Variants in GAGE1 observed in about 807,000 individuals in gnomAD.
GAGE1 encodes the protein G antigen 1.
A neutral mutation model predicts 5.0 loss-of-function variants in GAGE1; 5 were observed. The ratio of observed to expected loss-of-function variants is 1.00; its 90% CI spans 0.52 to 2.11. The LOEUF is 2.11. Among genes scored for constraint, GAGE1 ranks in the 30% most tolerant of loss-of-function variants. The probability of loss-of-function intolerance (pLI) is 0.01; values close to 1 mark genes in which losing one functional copy is unlikely to be tolerated. For synonymous variants in GAGE1, 6 were observed against 14.8 expected (o/e 0.40, Z 1.37); for missense variants, 9 against 38.9 (o/e 0.23, Z 2.04).
intron 4 of GAGE1, among the ~76,000 whole-genome samples, chrX:49,604,761 G>A (rs1335244111): frequency 8.9e-6 from 1 of 111,983 alleles, no homozygotes; most frequent in Non-Finnish European, 1.9e-5. Context: ...GTGGAGAGCT[G>A]AATACGTAGT....
At chrX:49,605,492 C>T (rs782529370) in intron 4 of GAGE1, among the ~76,000 whole-genome samples, 1 of 112,284 alleles carries the variant, frequency 8.9e-6, no homozygotes, top group Non-Finnish European at 1.9e-5. Context: ...TGGAGGGCTA[C>T]TCTCAAAGTG....
chrX:49,604,938 G>C (rs2066644131), intron 4 of GAGE1: 4 of 493,303 alleles, frequency 8.1e-6, no homozygotes, highest in African/African-American at 2.4e-5. Flanking sequence ...CTCCTGAGTG[G>C]CTGGAACTAC....
chrX:49,605,296 A>G (rs1377374413), intron 4 of GAGE1, among the ~76,000 whole-genome samples: 1 of 112,032 alleles, frequency 8.9e-6, no homozygotes, highest in Non-Finnish European at 1.9e-5. Flanking sequence ...TTACATGTAA[A>G]TTTCAGCTTT....
intron 3 of GAGE1, among the ~76,000 whole-genome samples, chrX:49,602,423 A>T (rs2066615869): frequency 1.3e-5 from 1 of 77,275 alleles, no homozygotes; most frequent in African/African-American, 3.5e-5. Context: ...TCTTCAAGTC[A>T]TAGCATTCAT....
rs5906843 is a variant in GAGE1, at chrX:49,606,175, C to A, written c.*160C>A. 153,475 of 297,463 alleles carry A rather than the reference C, an allele frequency of 0.52. 30,815 individuals are homozygous for A. The highest frequency in any genetic ancestry group is 0.62 in the Middle Eastern group (519 of 841). The allele number at this position is 297,463 out of a possible 1,213,427, so 24.5% of individuals were successfully genotyped here. A position where few individuals can be genotyped will look rare whatever the true frequency, so the allele number is the denominator to read the frequency against. ...ATGCTGTGAAATGTTTCATTCTTTG[C>A]AATTTTGTATTCTATCTCCTTGAGC... On this transcript the variant is annotated 3_prime_UTR_variant, in exon 5 of 5. Coordinates refer to ENST00000381700, the MANE Select transcript of GAGE1 (RefSeq NM_001040663.4).
At chrX:49,604,999 G>T (rs1211454908) in intron 4 of GAGE1, 2 of 969,046 alleles carry the variant, frequency 2.1e-6, no homozygotes, top group Non-Finnish European at 2.7e-6. Context: ...TTTTTGTAGA[G>T]ATGAGGTCTC....
chrX:49,604,776 G>A (rs1327495823), intron 4 of GAGE1, among the ~76,000 whole-genome samples: 1 of 111,918 alleles, frequency 8.9e-6, no homozygotes, highest in African/African-American at 3.2e-5. Context: ...CGTAGTGTAA[G>A]ATCTTGTGAA....
intron 4 of GAGE1, among the ~76,000 whole-genome samples, chrX:49,604,443 G>C (rs1361465546): frequency 8.9e-6 from 1 of 112,459 alleles, no homozygotes; most frequent in African/African-American, 3.2e-5. Context: ...CACTCATGCG[G>C]GTTCTAATAT....
chrX:49,605,919 A>ATAG (rs2066655907), intron 4 of GAGE1, 74 bp from the exon 5 acceptor site: 3 of 463,594 alleles, frequency 6.5e-6, no homozygotes, highest in Non-Finnish European at 6.1e-6. Flanking sequence ...AATAATAATA[A>ATAG]TAATAATAAT....
chrX:49,604,717 G>T (rs1263066932), intron 4 of GAGE1, among the ~76,000 whole-genome samples: 1 of 112,328 alleles, frequency 8.9e-6, no homozygotes, highest in Non-Finnish European at 1.9e-5. Context: ...GTAAGAAAGT[G>T]AGGGGGCACT....
chrX:49,604,031 T>G (rs1222466535), intron 4 of GAGE1, among the ~76,000 whole-genome samples: 1 of 112,690 alleles, frequency 8.9e-6, no homozygotes, highest in African/African-American at 3.2e-5. Context: ...TGTTGTATTT[T>G]TAGTAGAGAC....
chrX:49,604,167 T>C (rs1200875223), intron 4 of GAGE1, among the ~76,000 whole-genome samples: 5 of 112,752 alleles, frequency 4.4e-5, no homozygotes, highest in Non-Finnish European at 7.5e-5. Flanking sequence ...ATTATATTTT[T>C]AGTAAGAGAG....
rs1371656591 is a variant in GAGE1, at chrX:49,608,223, G to C, written c.*2208G>C. ...TGGTGTCTCTAGGGCCTCCTACCCCGCATTTCCCCTGCTTTTTCTCTTGTT... is the reference window on the plus strand; with the variant it reads ...TGGTGTCTCTAGGGCCTCCTACCCCCCATTTCCCCTGCTTTTTCTCTTGTT... On this transcript the variant is annotated 3_prime_UTR_variant, in exon 5 of 5. Transcript: ENST00000381700. 1 of 111,485 alleles carries C rather than the reference G, an allele frequency of 9.0e-6. No homozygotes were observed. Among genetic ancestry groups the C allele is most frequent in the Non-Finnish European group, 1.9e-5 (1 of 53,142 alleles). The allele number at this position is 111,485 out of a possible 1,213,427, so 9.2% of individuals were successfully genotyped here.
chrX:49,607,348 T>C lies in GAGE1; in HGVS notation c.*1333T>C, dbSNP rs2066664874. ...TATTTAAGGATTTTTATGTATATCC[T>C]CATGAGTGACATTACCTGTACTTTT... On this transcript the variant is annotated 3_prime_UTR_variant, in exon 5 of 5. Transcript: ENST00000381700. The C allele has an allele frequency of 8.9e-6, 1 of 112,154 alleles. No individual in the cohort carries two copies. The highest frequency in any genetic ancestry group is 3.2e-5 in the African/African-American group (1 of 30,907). 9.2% of individuals were successfully genotyped at this position (112,154 alleles called of 1,213,427 possible).
rs1433595554 is a variant in GAGE1, at chrX:49,607,450, C to G, written c.*1435C>G. 9.0e-6 allele frequency: 1 copy of G among 111,497 alleles called. No homozygotes were observed. Among genetic ancestry groups the G allele is most frequent in the African/African-American group, 3.3e-5 (1 of 30,680 alleles). The allele number at this position is 111,497 out of a possible 1,213,427, so 9.2% of individuals were successfully genotyped here. A position where few individuals can be genotyped will look rare whatever the true frequency, so the allele number is the denominator to read the frequency against. On this transcript the variant is annotated 3_prime_UTR_variant, in exon 5 of 5. Transcript: ENST00000381700. ...TAAAACGGGTTGGTATGTAAAACCTCTTTTTCCATTCACTGGAACTCAAGT... is the reference window on the plus strand; with the variant it reads ...TAAAACGGGTTGGTATGTAAAACCTGTTTTTCCATTCACTGGAACTCAAGT...
intron 4 of GAGE1, among the ~76,000 whole-genome samples, chrX:49,604,538 A>T (rs556862661): frequency 8.9e-6 from 1 of 112,204 alleles, no homozygotes. Flanking sequence ...AGTGAGTTTA[A>T]GTCAGAGATT....
rs2066669661 is a variant in GAGE1, at chrX:49,608,274, C to CGG, written c.*2259_*2260insGG. 1 of 111,637 alleles carries CGG rather than the reference C, an allele frequency of 9.0e-6. No individual in the cohort carries two copies. Among genetic ancestry groups the CGG allele is most frequent in the African/African-American group, 3.3e-5 (1 of 30,724 alleles). 9.2% of individuals were successfully genotyped at this position (111,637 alleles called of 1,213,427 possible). On this transcript the variant is annotated 3_prime_UTR_variant, in exon 5 of 5. Coordinates refer to ENST00000381700, the MANE Select transcript of GAGE1 (RefSeq NM_001040663.4). ...CTGACTGAAAAACAAAGTGCTTTGACTGTGCTGTGACCCAGCCAGCTGCAT... is the reference window on the plus strand; with the variant it reads ...CTGACTGAAAAACAAAGTGCTTTGACGGTGTGCTGTGACCCAGCCAGCTGCAT...
Position 49,606,925 on chromosome X carries a change from TC to T in GAGE1, c.*915del, listed in dbSNP as rs1163857847. 1 of 112,125 alleles carries T rather than the reference TC, an allele frequency of 8.9e-6. No homozygotes were observed. The highest frequency in any genetic ancestry group is 1.9e-5 in the Non-Finnish European group (1 of 53,266). 9.2% of individuals were successfully genotyped at this position (112,125 alleles called of 1,213,427 possible). The stretch of plus-strand genomic sequence containing the variant: ...CTATTGTGATTACCACAGGGTTTTT[TC>T]CCCCAGTAATCTGTTTATGTAGTCA... On this transcript the variant is annotated 3_prime_UTR_variant, in exon 5 of 5. Transcript: ENST00000381700.
At position 49,606,024 on chromosome X, in the gene GAGE1, A is replaced by T. The variant is rs1557132187; in HGVS notation, c.*9A>T. The T allele has an allele frequency of 9.4e-7, 1 of 1,062,531 alleles. No individual in the cohort carries two copies. The highest frequency in any genetic ancestry group is 1.2e-6 in the Non-Finnish European group (1 of 814,943). The allele number at this position is 1,062,531 out of a possible 1,213,427, so 87.6% of individuals were successfully genotyped here. On this transcript the variant is annotated 3_prime_UTR_variant, in exon 5 of 5. Coordinates refer to ENST00000381700, the MANE Select transcript of GAGE1 (RefSeq NM_001040663.4). ...GGCAATCACAGTGTTAAAAGAAGAC[A>T]TGCTGAAATGTTGCAGGCTGCTCCT...
Sources: allele counts gnomAD v4.1 joint callset (sites outside exome capture counted in the v4.1 genomes callset), GRCh38; gene constraint gnomAD v4.1.1; transcripts MANE v1.5; gene names NCBI Gene and HGNC (gene_info 2026-07-23, HGNC 2026-07-21).